AFDN: variants seen among roughly 807,000 people sequenced by gnomAD.
AFDN encodes the protein afadin, adherens junction formation factor.
A neutral mutation model predicts 216.6 loss-of-function variants in AFDN; 68 were observed. That is an observed-to-expected ratio of 0.31 (90% CI 0.26 to 0.38). The LOEUF is 0.38. Among genes scored for constraint, AFDN ranks in the 10% least tolerant of loss-of-function variants. The pLI, the probability that AFDN is intolerant of heterozygous loss-of-function variation, is 1.00. For synonymous variants in AFDN, 868 were observed against 853.7 expected, an observed-to-expected ratio of 1.02 and a Z score of -0.29; for missense variants, 2,136 against 2,342.0, an observed-to-expected ratio of 0.91 and a Z score of 1.82.
chr6:167,923,361 C>T (rs748825713), intron 22 of AFDN, among the ~76,000 whole-genome samples: 9 of 152,074 alleles, frequency 5.9e-5, no homozygotes, highest in Non-Finnish European at 1.3e-4. Context: ...TATTTTATAT[C>T]TTTTTGAAAG....
intron 1 of AFDN, among the ~76,000 whole-genome samples, chr6:167,850,808 T>G (rs185306704): frequency 2.0e-5 from 3 of 152,312 alleles, no homozygotes; most frequent in Admixed American, 2.0e-4. Flanking sequence ...ATAGGTTGAT[T>G]TGGGTAGATC....
At chr6:167,912,830 GA>G (rs1364110410) in intron 15 of AFDN, among the ~76,000 whole-genome samples, 1 of 152,164 alleles carries the variant, frequency 6.6e-6, no homozygotes. Context: ...TAAAGTAGTG[GA>G]AAAGAACTGT....
At chr6:167,850,997 C>T (rs551942520) in intron 1 of AFDN, among the ~76,000 whole-genome samples, 4 of 152,160 alleles carry the variant, frequency 2.6e-5, no homozygotes, top group African/African-American at 9.6e-5. Flanking sequence ...TGCATTCAGG[C>T]GATTCTCCTG....
At position 167,962,720 on chromosome 6, in the gene AFDN, C is replaced by T; in HGVS notation, c.4968+153C>T. 6.6e-7 allele frequency: 1 copy of T among 1,521,674 alleles called. No individual in the cohort carries two copies. The highest frequency in any genetic ancestry group is 8.8e-7 in the Non-Finnish European group (1 of 1,137,112). The allele number at this position is 1,521,674 out of a possible 1,614,324, so 94.3% of individuals were successfully genotyped here. On this transcript the variant is annotated intron_variant, in intron 31 of 33. Coordinates refer to ENST00000683244, the MANE Select transcript of AFDN (RefSeq NM_001386888.1). The surrounding 1 kb of genome is among the most constrained non-coding windows in gnomAD (Gnocchi z 5.2). ...CCCAGCTTTGTGATTGGACCTGCAA[C>T]TTTACCCCATCTGGCCCACCTACCT...
chr6:167,939,547 A>C (rs1368208216), intron 23 of AFDN, among the ~76,000 whole-genome samples: 4 of 152,216 alleles, frequency 2.6e-5, no homozygotes, highest in Admixed American at 2.0e-4. Context: ...AGAATAGAAG[A>C]AGCTCCCAAA....
Position 167,971,226 on chromosome 6 carries a change from G to A in AFDN, c.*1291G>A, listed in dbSNP as rs1797998222. The A allele has an allele frequency of 4.5e-6, 1 of 220,362 alleles. No individual in the cohort carries two copies. The highest frequency in any genetic ancestry group is 9.1e-6 in the Non-Finnish European group (1 of 110,116). 13.7% of individuals were successfully genotyped at this position (220,362 alleles called of 1,614,324 possible). On this transcript the variant is annotated 3_prime_UTR_variant, in exon 34 of 34. Transcript: ENST00000683244. Reference sequence around the variant, plus strand: ...GTTCTCTTACACATACGTATGTTAGGAAAATAGGCACACTTTCAAAGAGAA... The same window carrying A: ...GTTCTCTTACACATACGTATGTTAGAAAAATAGGCACACTTTCAAAGAGAA...
chr6:167,866,031 G>T (rs1212163563), intron 2 of AFDN, among the ~76,000 whole-genome samples: 2 of 152,078 alleles, frequency 1.3e-5, no homozygotes. Flanking sequence ...AATTTTGGGT[G>T]ATTTTTCTGA....
chr6:167,966,377 C>A, intron 32 of AFDN: 1 of 1,063,462 alleles, frequency 9.4e-7, no homozygotes, highest in Non-Finnish European at 1.2e-6. Context: ...ATCATACTTG[C>A]CTTGGAATTT....
intron 27 of AFDN, among the ~76,000 whole-genome samples, chr6:167,947,467 CCA>C (rs1795450945): frequency 2.0e-5 from 3 of 152,172 alleles, no homozygotes; most frequent in Non-Finnish European, 4.4e-5. Context: ...GCTTGAGCCA[CCA>C]TGCCCAGCCA....
chr6:167,857,376 A>C (rs1783025950), intron 1 of AFDN, among the ~76,000 whole-genome samples: 1 of 152,086 alleles, frequency 6.6e-6, no homozygotes, highest in Admixed American at 6.6e-5. Flanking sequence ...CTGGATCTAA[A>C]ATAATTAGAT....
intron 4 of AFDN, among the ~76,000 whole-genome samples, chr6:167,874,851 A>T (rs908526270): frequency 6.6e-6 from 1 of 152,064 alleles, no homozygotes; most frequent in South Asian, 2.1e-4. Context: ...CCGACCTCAG[A>T]TTATCCACCC....
chr6:167,949,452 G>A (rs1477907308), intron 29 of AFDN, among the ~76,000 whole-genome samples: 1 of 152,134 alleles, frequency 6.6e-6, no homozygotes. Context: ...GTTTTCTGAC[G>A]GCAGAAAATG....
At chr6:167,851,697 A>G (rs992442310) in intron 1 of AFDN, among the ~76,000 whole-genome samples, 2 of 152,212 alleles carry the variant, frequency 1.3e-5, no homozygotes, top group African/African-American at 4.8e-5. Context: ...GTATTAAGTG[A>G]AAGTAAAATT....
intron 1 of AFDN, among the ~76,000 whole-genome samples, chr6:167,834,252 C>T (rs1156948949): frequency 6.6e-6 from 1 of 152,100 alleles, no homozygotes; most frequent in Non-Finnish European, 1.5e-5. Context: ...CTCTCATCCT[C>T]TTCCCACCCT....
chr6:167,919,076 G>T, intron 21 of AFDN, 143 bp downstream of exon 21: 1 of 707,356 alleles, frequency 1.4e-6, no homozygotes, highest in South Asian at 1.8e-5. Context: ...CACTGACTTG[G>T]AGAAATATTT....
chr6:167,828,535 T>C (rs1341743008), intron 1 of AFDN, among the ~76,000 whole-genome samples: 1 of 152,258 alleles, frequency 6.6e-6, no homozygotes, highest in Admixed American at 6.5e-5. Flanking sequence ...AAGTTACTCC[T>C]GATTCATTCA....
intron 30 of AFDN, among the ~76,000 whole-genome samples, chr6:167,958,657 A>G (rs1326648451): frequency 6.6e-6 from 1 of 152,212 alleles, no homozygotes; most frequent in African/African-American, 2.4e-5. Flanking sequence ...CTTTCCTTAC[A>G]TGAAAGCCCA....
At position 167,959,517 on chromosome 6, in the gene AFDN, A is replaced by G. The variant is rs148675342; in HGVS notation, c.4834-2916A>G. On this transcript the variant is annotated intron_variant, in intron 30 of 33. Coordinates refer to ENST00000683244, the MANE Select transcript of AFDN (RefSeq NM_001386888.1). ...TGTCCCTAAAATTTTTTTAGGGTGG[A>G]CATTTTTAAAGGGAGGGAGCATAGG... 5.1e-3 allele frequency among the ~76,000 whole-genome samples: 777 copies of G among 152,310 alleles called. 9 individuals are homozygous for G. Among genetic ancestry groups the G allele is most frequent in the African/African-American group, 0.018 (747 of 41,576 alleles).
At chr6:167,848,364 A>G (rs1466382723) in intron 1 of AFDN, among the ~76,000 whole-genome samples, 1 of 152,204 alleles carries the variant, frequency 6.6e-6, no homozygotes, top group Non-Finnish European at 1.5e-5. Flanking sequence ...ACATAGCGAA[A>G]GGGTTTTCTT....
Sources: allele counts gnomAD v4.1 joint callset (sites outside exome capture counted in the v4.1 genomes callset), GRCh38; gene constraint gnomAD v4.1.1; non-coding constraint Gnocchi (gnomAD v3.1); transcripts MANE v1.5; gene names NCBI Gene and HGNC (gene_info 2026-07-23, HGNC 2026-07-21).